SEC31B: variants seen among roughly 807,000 people sequenced by gnomAD.
SEC31B encodes SEC31 homolog B, COPII component, also known as protein transport protein Sec31B.
Under a neutral mutation model 135.0 loss-of-function variants are expected in SEC31B, and 113 were observed. The observed-to-expected ratio is 0.84, with a 90% confidence interval of 0.72 to 0.98. The LOEUF (loss-of-function observed/expected upper bound fraction) is 0.98. SEC31B is among the 50% of genes least tolerant of loss of function. The pLI is 0.00. For synonymous variants in SEC31B, 508 were observed against 549.4 expected (o/e 0.92, Z 1.05); for missense variants, 1,296 against 1,421.1 (o/e 0.91, Z 1.42).
intron 14 of SEC31B, 93 bp downstream of exon 14, chr10:100,498,612 G>T: frequency 1.2e-6 from 1 of 863,020 alleles, no homozygotes; most frequent in Non-Finnish European, 1.9e-6. Context: ...AAGGCACGAG[G>T]CAGGGGACAA....
At chr10:100,494,795 A>G (rs1170007538) in intron 19 of SEC31B, 5 of 153,780 alleles carry the variant, frequency 3.3e-5, no homozygotes, top group African/African-American at 1.2e-4. Context: ...CCATACCCCA[A>G]TCATGGTATT....
At chr10:100,506,468 TG>T in intron 7 of SEC31B, 48 bp from the exon 8 acceptor site, 7 of 1,511,056 alleles carry the variant, frequency 4.6e-6, no homozygotes, top group East Asian at 2.3e-5. Context: ...ATGCCTACTA[TG>T]AGTAGGGTGC....
In SEC31B at chr10:100,516,146, C is replaced by T; in HGVS notation, c.153G>A (p.Arg51=). 1.9e-6 allele frequency: 3 copies of T among 1,613,922 alleles called. No individual in the cohort carries two copies. Among genetic ancestry groups the T allele is most frequent in the Non-Finnish European group, 2.5e-6 (3 of 1,179,968 alleles). ...TGTGTTTCAAGTCCAGAGAAGGGTC[C>T]CTGAAATCAACCTCAAATATTTCCA... ...GTLEIFEVDF[R]DPSLDLKHRG... The change falls in exon 3 of 26, where the codon AGG becomes AGA. Residue 51 remains arginine (R), a synonymous_variant. Transcript: ENST00000370345.
chr10:100,517,878 A>G (rs190317085), intron 1 of SEC31B, among the ~76,000 whole-genome samples: 3 of 151,936 alleles, frequency 2.0e-5, no homozygotes, highest in Admixed American at 6.6e-5. Context: ...CTTCTCCCTC[A>G]TTCTCTTCTA....
chr10:100,503,268 C>T (rs1314689756), intron 10 of SEC31B, among the ~76,000 whole-genome samples: 1 of 152,090 alleles, frequency 6.6e-6, no homozygotes, highest in Non-Finnish European at 1.5e-5. Flanking sequence ...ACCCTTTTTA[C>T]TCCAGCAGTT....
At chr10:100,509,133 C>G in intron 4 of SEC31B, 31 bp from the exon 5 acceptor site, 1 of 1,597,692 alleles carries the variant, frequency 6.3e-7, no homozygotes, top group Non-Finnish European at 8.6e-7. Flanking sequence ...TGGAGACATA[C>G]CACCCTAGGA....
At chr10:100,517,055 A>G in intron 1 of SEC31B, 58 bp from the exon 2 acceptor site, 1 of 829,422 alleles carries the variant, frequency 1.2e-6, no homozygotes, top group Non-Finnish European at 2.0e-6. Context: ...TGCGGACAAG[A>G]GTTCTTGTTT....
At chr10:100,519,237 T>C (rs1185057380) in intron 1 of SEC31B, among the ~76,000 whole-genome samples, 1 of 152,262 alleles carries the variant, frequency 6.6e-6, no homozygotes, top group Non-Finnish European at 1.5e-5. Context: ...TTCACATTGT[T>C]AAGAGGCATC....
chr10:100,487,359 T>C lies in SEC31B; in HGVS notation c.*257A>G. On this transcript the variant is annotated 3_prime_UTR_variant, in exon 26 of 26. Coordinates refer to ENST00000370345, the MANE Select transcript of SEC31B (RefSeq NM_015490.4). ...CCCCAGGTCCTTACAGAGTGTAGTA[T>C]TAGGGAGAGTGAAGAACTGATTCTA... 1 of 492,230 alleles carries C rather than the reference T, an allele frequency of 2.0e-6. No homozygotes were observed. Among genetic ancestry groups the C allele is most frequent in the Non-Finnish European group, 3.7e-6 (1 of 271,374 alleles). The allele number at this position is 492,230 out of a possible 1,614,324, so 30.5% of individuals were successfully genotyped here. A position where few individuals can be genotyped will look rare whatever the true frequency, so the allele number is the denominator to read the frequency against.
intron 3 of SEC31B, 149 bp downstream of exon 3, chr10:100,515,947 C>G (rs934201429): frequency 3.1e-6 from 3 of 963,724 alleles, no homozygotes; most frequent in Non-Finnish European, 4.6e-6. Flanking sequence ...AATCCTTTTG[C>G]AAAATAAGCC....
rs906620038 is a variant in SEC31B, at chr10:100,497,966, G to A, written c.1863+63C>T. 29 of 1,582,364 alleles carry A rather than the reference G, an allele frequency of 1.8e-5. No individual in the cohort carries two copies. In the East Asian group the frequency reaches 6.5e-4, roughly 35 times the overall value. The stretch of plus-strand genomic sequence containing the variant: ...ACTCAAACATGGGTCCCAAGGTGTG[G>A]GTATCCACCTCACAAGGTCCAAGTA... On this transcript the variant is annotated intron_variant, in intron 15 of 25. Coordinates refer to ENST00000370345, the MANE Select transcript of SEC31B (RefSeq NM_015490.4).
In SEC31B at chr10:100,489,002, C is replaced by T. The variant is rs1851245289; in HGVS notation, c.3172-28G>A. The T allele has an allele frequency of 1.9e-6, 3 of 1,578,410 alleles. No homozygotes were observed. The Admixed American group carries it at 5.5e-5, about 29-fold the overall frequency. ...GCTGATAAAGAAGCAGGGAGAAAGG[C>T]CAGAGGGGCAAGCTGTCCTTCTCAT... On this transcript the variant is annotated intron_variant, in intron 23 of 25. Coordinates refer to ENST00000370345, the MANE Select transcript of SEC31B (RefSeq NM_015490.4).
At chr10:100,494,352 T>C (rs1281743123) in intron 19 of SEC31B, among the ~76,000 whole-genome samples, 2 of 152,186 alleles carry the variant, frequency 1.3e-5, no homozygotes, top group African/African-American at 4.8e-5. Context: ...CATCCCTTAC[T>C]ATAGCCTAAC....
At chr10:100,519,172 C>T (rs1589743674) in intron 1 of SEC31B, among the ~76,000 whole-genome samples, 2 of 152,178 alleles carry the variant, frequency 1.3e-5, no homozygotes, top group East Asian at 1.9e-4. Context: ...GCAAGTAAAC[C>T]CTAGAAAGTG....
At chr10:100,499,100 T>C (rs1227750821) in intron 13 of SEC31B, 60 bp downstream of exon 13, 2 of 1,382,494 alleles carry the variant, frequency 1.4e-6, no homozygotes, top group East Asian at 2.3e-5. Flanking sequence ...AAGGGAAAGA[T>C]GCCCAAAAGG....
At chr10:100,511,123 AAG>A (rs1851728995) in intron 3 of SEC31B, among the ~76,000 whole-genome samples, 1 of 152,256 alleles carries the variant, frequency 6.6e-6, no homozygotes, top group Admixed American at 6.5e-5. Context: ...AGGGCTGGAA[AAG>A]AGGGCAGTTA....
chr10:100,502,632 C>A (rs909824714), intron 10 of SEC31B, 148 bp from the exon 11 acceptor site: 1 of 621,274 alleles, frequency 1.6e-6, no homozygotes, highest in Non-Finnish European at 2.8e-6. Flanking sequence ...GGAATAGGAT[C>A]AGGAATTTAG....
At position 100,499,246 on chromosome 10, in the gene SEC31B, A is replaced by G. The variant is rs866380990; in HGVS notation, c.1498T>C (p.Leu500=). The change falls in exon 13 of 26, where the codon TTG becomes CTG. Residue 500 remains leucine, a synonymous_variant. Coordinates refer to ENST00000370345, the MANE Select transcript of SEC31B (RefSeq NM_015490.4). ...TCACCTAGCCCCACGTCACTCTTCA[A>G]CCATGTGGCCACCTGCAGGGAGAGA... The part of the protein sequence containing the change: ...DELQKKVATW[L]KSDVGLGESP... The G allele has an allele frequency of 6.2e-6, 10 of 1,612,548 alleles. No homozygotes were observed. The highest frequency in any genetic ancestry group is 3.3e-4 in the Middle Eastern group (2 of 6,062).
In SEC31B at chr10:100,497,714, G is replaced by A. The variant is rs1851439131; in HGVS notation, c.1943C>T (p.Ala648Val). 1 of 1,614,092 alleles carries A rather than the reference G, an allele frequency of 6.2e-7. No individual in the cohort carries two copies. The highest frequency in any genetic ancestry group is 8.5e-7 in the Non-Finnish European group (1 of 1,180,054). ...TGTGCCTGAGTATGTCAGTAGCAAA[G>A]CCAGTGCCTCTCTCCAGTTCTTCAG... ...CSLKNWREAL[A>V]LLLTYSGTEK... The change falls in exon 16 of 26, where the codon GCT becomes GTT. Residue 648 changes from alanine (A) to valine (V), a missense_variant. Coordinates refer to ENST00000370345, the MANE Select transcript of SEC31B (RefSeq NM_015490.4).
Sources: gnomAD v4.1 joint callset for allele counts (sites outside exome capture counted in the v4.1 genomes callset) on GRCh38, gnomAD v4.1.1 for gene constraint, MANE v1.5 for transcripts, NCBI Gene and HGNC (gene_info 2026-07-23, HGNC 2026-07-21) for gene names.